Variants in NUP153 observed in about 807,000 individuals in gnomAD.
The protein encoded by NUP153 is nuclear pore complex protein Nup153.
A neutral mutation model predicts 134.6 loss-of-function variants in NUP153; 27 were observed. The ratio of observed to expected loss-of-function variants is 0.20; its 90% confidence interval spans 0.15 to 0.28. The LOEUF (loss-of-function observed/expected upper bound fraction) is 0.28. NUP153 is among the 10% of genes least tolerant of loss of function. The pLI is 1.00. For synonymous variants in NUP153, 640 were observed against 623.5 expected, an observed-to-expected ratio of 1.03 and a Z score of -0.40; for missense variants, 1,821 against 1,731.3, an observed-to-expected ratio of 1.05 and a Z score of -0.92.
Position 17,663,724 on chromosome 6 carries a change from A to T in NUP153, c.1215+1515T>A, listed in dbSNP as rs1581724821. 1.3e-5 allele frequency among the ~76,000 whole-genome samples: 2 copies of T among 152,334 alleles called. 1 individual carries two copies. The highest frequency in any genetic ancestry group is 3.9e-4 in the East Asian group (2 of 5,186). On this transcript the variant is annotated intron_variant, in intron 9 of 21. Transcript: ENST00000262077. The stretch of plus-strand genomic sequence containing the variant: ...AAGTTTCAAGGTTTTCAATAAATTG[A>T]GTTGTTAGAAATGAGATAAAATATA...
intron 11 of NUP153, chr6:17,652,000 T>G: frequency 4.0e-6 from 2 of 496,390 alleles, no homozygotes; most frequent in Non-Finnish European, 7.6e-6. Context: ...GAGGCTCAGG[T>G]GGCCACGCCA....
chr6:17,651,246 T>C (rs1313432037), intron 11 of NUP153, among the ~76,000 whole-genome samples: 2 of 152,104 alleles, frequency 1.3e-5, no homozygotes, highest in Non-Finnish European at 2.9e-5. Flanking sequence ...GAGGCTGTAG[T>C]GGGCCATGAC....
At chr6:17,702,540 G>A (rs534521865) in intron 1 of NUP153, among the ~76,000 whole-genome samples, 2 of 151,420 alleles carry the variant, frequency 1.3e-5, no homozygotes, top group African/African-American at 4.8e-5. Flanking sequence ...GCCGTTTGTG[G>A]TGGCGCATGC....
chr6:17,637,493 A>C lies in NUP153; in HGVS notation c.2124T>G (p.Leu708=), dbSNP rs772376327. Residue 708 remains leucine (L), a synonymous_variant, in exon 16 of 22, where the codon CTT becomes CTG. Coordinates refer to ENST00000262077, the MANE Select transcript of NUP153 (RefSeq NM_005124.4). The part of the protein sequence containing the change: ...ETPNKSGKTT[L]SASGTGFGDK... ...CTCCAAAGCCTGTCCCTGATGCAGAAAGAGTTGTTTTGCCACTTTTATTTG... is the reference window on the plus strand; with the variant it reads ...CTCCAAAGCCTGTCCCTGATGCAGACAGAGTTGTTTTGCCACTTTTATTTG... 3 of 1,614,218 alleles carry C rather than the reference A, an allele frequency of 1.9e-6. No individual in the cohort carries two copies. The South Asian group carries it at 3.3e-5, about 18-fold the overall frequency.
At chr6:17,632,979 T>G in intron 16 of NUP153, 135 bp from the exon 17 acceptor site, 1 of 630,720 alleles carries the variant, frequency 1.6e-6, no homozygotes. Flanking sequence ...AAACACAGAA[T>G]GTGCCAGAAA....
Position 17,669,003 on chromosome 6 carries a change from A to C in NUP153, c.1040T>G (p.Ile347Ser), listed in dbSNP as rs1426619780. The C allele has an allele frequency of 6.5e-7, 1 of 1,537,652 alleles. No homozygotes were observed. The highest frequency in any genetic ancestry group is 1.4e-5 in the African/African-American group (1 of 70,308). Residue 347 changes from isoleucine to serine, a missense_variant, in exon 8 of 22, where the codon ATC becomes AGC. Ile to Ser is a moderately radical substitution (Grantham distance 142). Transcript: ENST00000262077. ...TTCTCTTTTGGCCTGAAAATCTGTG[A>C]TATCTATCCCACTCCTATCAAGAGG... ...NSPLDRSGID[I>S]TDFQAKREKV...
intron 1 of NUP153, among the ~76,000 whole-genome samples, chr6:17,697,663 G>A (rs1193361634): frequency 1.3e-5 from 2 of 152,146 alleles, no homozygotes; most frequent in Non-Finnish European, 2.9e-5. Context: ...ACTCCAGCCT[G>A]GGCGACTGAG....
chr6:17,655,446 A>G (rs1766756952), intron 11 of NUP153, among the ~76,000 whole-genome samples: 1 of 141,898 alleles, frequency 7.0e-6, no homozygotes, highest in East Asian at 2.3e-4. Context: ...AATAACTTTA[A>G]TCTTATTATT....
intron 7 of NUP153, 106 bp from the exon 8 acceptor site, chr6:17,669,134 A>C (rs1208455055): frequency 2.9e-6 from 3 of 1,020,558 alleles, no homozygotes; most frequent in East Asian, 4.9e-5. Context: ...GCTGGAGTGC[A>C]GTGGCGCGAT....
Position 17,649,199 on chromosome 6 carries a change from T to G in NUP153, c.1497A>C (p.Pro499=). 2 of 1,613,970 alleles carry G rather than the reference T, an allele frequency of 1.2e-6. No individual in the cohort carries two copies. The highest frequency in any genetic ancestry group is 1.7e-6 in the Non-Finnish European group (2 of 1,179,948). ...ATGCTTGAGACGAATTGATGGGTGA[T>G]GGAGAGGAAGTTGTGATCTCAGGGG... ...FSSPEITTSS[P]SPINSSQALT... Residue 499 remains proline (P), a synonymous_variant, in exon 12 of 22, where the codon CCA becomes CCC. Transcript: ENST00000262077.
In NUP153 at chr6:17,688,509, T is replaced by C; in HGVS notation, c.221A>G (p.Glu74Gly). 1 of 1,614,048 alleles carries C rather than the reference T, an allele frequency of 6.2e-7. No homozygotes were observed. Among genetic ancestry groups the C allele is most frequent in the Non-Finnish European group, 8.5e-7 (1 of 1,179,874 alleles). The change falls in exon 2 of 22, where the codon GAG (glutamate) becomes GGG (glycine). Residue 74 changes from glutamate to glycine, a missense_variant. Transcript: ENST00000262077. The stretch of plus-strand genomic sequence containing the variant: ...TTTATTTTCTGGCCAGCGTGGAACC[T>C]CGCTTGTGTCTGTTGAACAGCTGCA... ...DVCSCSTDTSEVPRWPENKED... is the reference protein window; with the variant it reads ...DVCSCSTDTSGVPRWPENKED...
chr6:17,640,155 G>T, intron 14 of NUP153, 91 bp from the exon 15 acceptor site: 1 of 977,890 alleles, frequency 1.0e-6, no homozygotes, highest in Non-Finnish European at 1.4e-6. Flanking sequence ...CCATCTTTTG[G>T]ATTAATTTCT....
chr6:17,667,904 T>C (rs1767640721), intron 8 of NUP153, among the ~76,000 whole-genome samples: 1 of 152,106 alleles, frequency 6.6e-6, no homozygotes, highest in Non-Finnish European at 1.5e-5. Context: ...CAAGATATAA[T>C]GATCAACTTT....
intron 20 of NUP153, among the ~76,000 whole-genome samples, chr6:17,619,905 G>A (rs372608494): frequency 2.6e-5 from 4 of 151,680 alleles, no homozygotes; most frequent in African/African-American, 4.8e-5. Flanking sequence ...CGAGACCAGC[G>A]TGGCCAACAT....
intron 8 of NUP153, among the ~76,000 whole-genome samples, chr6:17,668,359 C>T (rs1451608775): frequency 1.3e-5 from 2 of 151,714 alleles, no homozygotes; most frequent in African/African-American, 2.4e-5. Flanking sequence ...GGATTACAGG[C>T]GTAAGCCACC....
At chr6:17,637,993 G>A (rs569043659) in intron 15 of NUP153, among the ~76,000 whole-genome samples, 8 of 152,246 alleles carry the variant, frequency 5.3e-5, no homozygotes, top group African/African-American at 1.9e-4. Flanking sequence ...TTTGTTTACA[G>A]GATATCACCT....
At position 17,626,098 on chromosome 6, in the gene NUP153, G is replaced by C; in HGVS notation, c.3611C>G (p.Ala1204Gly). 6.2e-7 allele frequency: 1 copy of C among 1,613,854 alleles called. No individual in the cohort carries two copies. The highest frequency in any genetic ancestry group is 8.5e-7 in the Non-Finnish European group (1 of 1,180,024). Residue 1204 changes from alanine to glycine, a missense_variant, in exon 19 of 22, where the codon GCC becomes GGC. Coordinates refer to ENST00000262077, the MANE Select transcript of NUP153 (RefSeq NM_005124.4). The part of the protein sequence containing the change: ...NNSSSSSSTP[A>G]TSAGGGIFGS... Reference sequence around the variant, plus strand: ...AAATATGCCACCACCAGCAGAAGTGGCTGGTGTACTTGAACTAGAGGAACT... The same window carrying C: ...AAATATGCCACCACCAGCAGAAGTGCCTGGTGTACTTGAACTAGAGGAACT...
Position 17,637,492 on chromosome 6 carries a change from A to G in NUP153, c.2125T>C (p.Ser709Pro), listed in dbSNP as rs748554487. The change falls in exon 16 of 22, where the codon TCT becomes CCT. Residue 709 changes from serine (S) to proline (P), a missense_variant. Physicochemically the swap from Ser to Pro is moderately conservative, Grantham distance 74. Transcript: ENST00000262077. ...TCTCCAAAGCCTGTCCCTGATGCAG[A>G]AAGAGTTGTTTTGCCACTTTTATTT... ...TPNKSGKTTL[S>P]ASGTGFGDKF... 3.1e-6 allele frequency: 5 copies of G among 1,614,104 alleles called. No individual in the cohort carries two copies. The East Asian group carries it at 8.9e-5, about 29-fold the overall frequency.
chr6:17,701,326 G>A (rs887480990), intron 1 of NUP153, among the ~76,000 whole-genome samples: 1 of 151,792 alleles, frequency 6.6e-6, no homozygotes, highest in Non-Finnish European at 1.5e-5. Flanking sequence ...TGAGGAGTTC[G>A]AGACCAGCCT....
Sources: gnomAD v4.1 joint callset for allele counts (sites outside exome capture counted in the v4.1 genomes callset) on GRCh38, gnomAD v4.1.1 for gene constraint, MANE v1.5 for transcripts, NCBI Gene and HGNC (gene_info 2026-07-23, HGNC 2026-07-21) for gene names.